The following SLC6A5 variants were observed in gnomAD, a reference collection of about 807,000 sequenced individuals.
SLC6A5 encodes the protein solute carrier family 6 member 5.
In SLC6A5, 58 loss-of-function variants were observed where a neutral mutation model predicts 90.5. The ratio of observed to expected loss-of-function variants is 0.64; its 90% confidence interval spans 0.52 to 0.80. The LOEUF is 0.80. Among genes scored for constraint, SLC6A5 ranks in the 30% least tolerant of loss-of-function variants. The pLI is 0.00. For synonymous variants in SLC6A5, 427 were observed against 401.4 expected (o/e 1.06, Z -0.76); for missense variants, 1,015 against 1,017.6 (o/e 1.00, Z 0.03).
At chr11:20,608,381 C>A (rs1176282645) in intron 5 of SLC6A5, among the ~76,000 whole-genome samples, 1 of 152,194 alleles carries the variant, frequency 6.6e-6, no homozygotes, top group Non-Finnish European at 1.5e-5. Flanking sequence ...AGAAGTAGGG[C>A]AGCTATGTCA....
At position 20,630,945 on chromosome 11, in the gene SLC6A5, T is replaced by C. The variant is rs948071622; in HGVS notation, c.1624+130T>C. On this transcript the variant is annotated intron_variant, in intron 10 of 15. Coordinates refer to ENST00000525748, the MANE Select transcript of SLC6A5 (RefSeq NM_004211.5). ...GAGGGTGGAGGAGCCCAGGTCCTTC[T>C]TTACAGAGGGACCAAGGCAGGCTCA... 1.1e-4 allele frequency: 114 copies of C among 1,027,440 alleles called. No homozygotes were observed. In the African/African-American group the frequency reaches 1.7e-3, roughly 15 times the overall value. 63.6% of individuals were successfully genotyped at this position (1,027,440 alleles called of 1,614,324 possible). A position where few individuals can be genotyped will look rare whatever the true frequency, so the allele number is the denominator to read the frequency against.
At chr11:20,630,025 G>A (rs752560076) in intron 9 of SLC6A5, among the ~76,000 whole-genome samples, 1 of 152,110 alleles carries the variant, frequency 6.6e-6, no homozygotes, top group African/African-American at 2.4e-5. Flanking sequence ...GCCCGGCTGG[G>A]ATGGTTGTTA....
intron 1 of SLC6A5, among the ~76,000 whole-genome samples, chr11:20,600,593 C>T (rs568906626): frequency 3.9e-5 from 6 of 152,136 alleles, no homozygotes; most frequent in Admixed American, 3.9e-4. Flanking sequence ...TCTTTGCTAC[C>T]TGGCGGGAGG....
At position 20,656,954 on chromosome 11, in the gene SLC6A5, A is replaced by G. The variant is rs1359427705; in HGVS notation, c.*2086A>G. On this transcript the variant is annotated 3_prime_UTR_variant, in exon 16 of 16. Transcript: ENST00000525748. The stretch of plus-strand genomic sequence containing the variant: ...TACCAAAAATGAGCCTCTCCAGCTG[A>G]TACCTGGTAGAGTGAGAGGAGCCAG... 6.6e-6 allele frequency: 1 copy of G among 152,252 alleles called. No homozygotes were observed. Among genetic ancestry groups the G allele is most frequent in the East Asian group, 1.9e-4 (1 of 5,198 alleles). The allele number at this position is 152,252 out of a possible 1,614,324, so 9.4% of individuals were successfully genotyped here.
intron 2 of SLC6A5, among the ~76,000 whole-genome samples, chr11:20,603,715 C>G (rs1852521353): frequency 6.6e-6 from 1 of 152,262 alleles, no homozygotes; most frequent in South Asian, 2.1e-4. Context: ...CTGGTTTGGT[C>G]AAGAAAGTAA....
intron 2 of SLC6A5, 137 bp downstream of exon 2, chr11:20,601,802 C>T: frequency 1.1e-6 from 1 of 949,284 alleles, no homozygotes; most frequent in East Asian, 2.6e-5. Flanking sequence ...CGGGAGGCGG[C>T]TTTGGGGCTT....
At chr11:20,640,734 C>T (rs551853818) in intron 13 of SLC6A5, among the ~76,000 whole-genome samples, 3 of 151,570 alleles carry the variant, frequency 2.0e-5, no homozygotes, top group Admixed American at 2.0e-4. Context: ...CTGCACAAAT[C>T]TGTAATTTAT....
intron 7 of SLC6A5, among the ~76,000 whole-genome samples, chr11:20,621,571 A>T (rs974096798): frequency 9.2e-5 from 14 of 152,334 alleles, no homozygotes; most frequent in African/African-American, 3.1e-4. Flanking sequence ...TTAAATGAAG[A>T]ATACTACCAG....
At chr11:20,617,098 T>A (rs1368693286) in intron 6 of SLC6A5, among the ~76,000 whole-genome samples, 1 of 152,206 alleles carries the variant, frequency 6.6e-6, no homozygotes, top group Non-Finnish European at 1.5e-5. Flanking sequence ...CACGATGTCT[T>A]CATTATCTAA....
chr11:20,604,834 G>C (rs1852547642), intron 3 of SLC6A5, among the ~76,000 whole-genome samples: 1 of 152,082 alleles, frequency 6.6e-6, no homozygotes, highest in Non-Finnish European at 1.5e-5. Flanking sequence ...TGTCTTCCTA[G>C]GGGACTCCTT....
At chr11:20,628,860 C>G (rs1287070079) in intron 9 of SLC6A5, among the ~76,000 whole-genome samples, 1 of 152,152 alleles carries the variant, frequency 6.6e-6, no homozygotes, top group African/African-American at 2.4e-5. Flanking sequence ...TTAATTAGTC[C>G]ATTACCTTTC....
intron 8 of SLC6A5, among the ~76,000 whole-genome samples, chr11:20,627,766 C>G (rs189572755): frequency 3.5e-4 from 53 of 152,208 alleles, no homozygotes; most frequent in African/African-American, 1.3e-3. Flanking sequence ...GAGTTCCTCA[C>G]CTTTGATAGA....
At chr11:20,602,007 T>C (rs881445) in intron 2 of SLC6A5, among the ~76,000 whole-genome samples, 41,736 of 152,218 alleles carry the variant, frequency 0.27, 5,909 homozygotes, top group South Asian at 0.38. Context: ...TGACTGTCTT[T>C]TCTTTTCAAA....
At chr11:20,642,458 C>G (rs1853332930) in intron 13 of SLC6A5, among the ~76,000 whole-genome samples, 1 of 152,142 alleles carries the variant, frequency 6.6e-6, no homozygotes, top group African/African-American at 2.4e-5. Flanking sequence ...CATGAGTTCA[C>G]CACCTTCTTT....
intron 13 of SLC6A5, among the ~76,000 whole-genome samples, chr11:20,642,115 T>C (rs190204010): frequency 6.6e-6 from 1 of 151,054 alleles, no homozygotes; most frequent in Non-Finnish European, 1.5e-5. Flanking sequence ...TAAATGAAAA[T>C]ATAGAGTCAC....
At chr11:20,609,283 ATT>A (rs35256884) in intron 5 of SLC6A5, among the ~76,000 whole-genome samples, 2 of 145,374 alleles carry the variant, frequency 1.4e-5, no homozygotes, top group Non-Finnish European at 1.5e-5. Flanking sequence ...TTAATTTTTA[ATT>A]TTTTTTTTTT....
intron 7 of SLC6A5, among the ~76,000 whole-genome samples, chr11:20,621,022 T>C (rs955654742): frequency 6.6e-6 from 1 of 152,100 alleles, no homozygotes; most frequent in Non-Finnish European, 1.5e-5. Context: ...AGGCTAGTCT[T>C]GACCTCTTGA....
chr11:20,612,340 A>G (rs1852710123), intron 5 of SLC6A5, among the ~76,000 whole-genome samples: 3 of 152,172 alleles, frequency 2.0e-5, no homozygotes, highest in Non-Finnish European at 4.4e-5. Context: ...ATCTCTCTTC[A>G]TTTAGTCCTT....
chr11:20,633,208 G>A (rs1021271987), intron 10 of SLC6A5, among the ~76,000 whole-genome samples: 2 of 152,134 alleles, frequency 1.3e-5, no homozygotes, highest in African/African-American at 4.8e-5. Context: ...GAAACACTGA[G>A]TTATACCAGA....
Sources: allele counts gnomAD v4.1 joint callset (sites outside exome capture counted in the v4.1 genomes callset), GRCh38; gene constraint gnomAD v4.1.1; transcripts MANE v1.5; gene names NCBI Gene and HGNC (gene_info 2026-07-23, HGNC 2026-07-21).